Variants in CBR4 observed in about 807,000 individuals in gnomAD.
CBR4 encodes 3-oxoacyl-[acyl-carrier-protein] reductase.
In CBR4, 22 loss-of-function variants were observed where a neutral mutation model predicts 21.0. The observed-to-expected ratio is 1.05, with a 90% CI of 0.75 to 1.50. The LOEUF (loss-of-function observed/expected upper bound fraction) is 1.50, where lower values mean the gene tolerates loss of function less well. Among genes scored for constraint, CBR4 ranks in the 40% most tolerant of loss-of-function variants. The pLI is 0.00. For synonymous variants in CBR4, 100 were observed against 104.4 expected, an observed-to-expected ratio of 0.96 and a Z score of 0.26; for missense variants, 302 against 286.3, an observed-to-expected ratio of 1.05 and a Z score of -0.40.
rs774609370 is a variant in CBR4 at position 168,990,229 on chromosome 4, G to T, written c.635C>A (p.Ala212Glu). ...RFGETIEVAH[A>E]VVFLLESPYI... ...CGGTGATTCTAAAAGAAACACAACC[G>T]CATGTGCCACCTCAATAGTTTCTCC... Residue 212 changes from alanine to glutamate, a missense_variant, in exon 5 of 5, where the codon GCG becomes GAG. Physicochemically the swap from Ala to Glu is moderately radical, Grantham distance 107 (BLOSUM62 -1). Coordinates refer to ENST00000306193, the MANE Select transcript of CBR4 (RefSeq NM_032783.5). 6.2e-7 allele frequency: 1 copy of T among 1,613,218 alleles called. No homozygotes were observed. The highest frequency in any genetic ancestry group is 1.3e-5 in the African/African-American group (1 of 74,808).
downstream of CBR4, chr4:168,987,561 C>T (rs112326568): frequency 2.5e-4 from 187 of 751,820 alleles, 1 homozygote; most frequent in African/African-American, 3.3e-3. Context: ...CTTATAGTTG[C>T]AGAGAAAGAT....
At position 168,988,550 on chromosome 4, in the gene CBR4, G is replaced by A. The variant is rs1013718204; in HGVS notation, c.*1600C>T. On this transcript the variant is annotated 3_prime_UTR_variant, in exon 5 of 5. Coordinates refer to ENST00000306193, the MANE Select transcript of CBR4 (RefSeq NM_032783.5). ...ATTAGAGAAACTATCTACTATGTCTGAATAAGCTCCCCTACCTTACAAGCA... is the reference window on the plus strand; with the variant it reads ...ATTAGAGAAACTATCTACTATGTCTAAATAAGCTCCCCTACCTTACAAGCA... 1 of 985,360 alleles carries A rather than the reference G, an allele frequency of 1.0e-6. No homozygotes were observed. Among genetic ancestry groups the A allele is most frequent in the African/African-American group, 1.7e-5 (1 of 57,358 alleles). 61.0% of individuals were successfully genotyped at this position (985,360 alleles called of 1,614,324 possible).
At chr4:168,945,722 C>T (rs565302867) in intron 2 of CBR4, among the ~76,000 whole-genome samples, 39 of 152,264 alleles carry the variant, frequency 2.6e-4, no homozygotes, top group Admixed American at 2.4e-3. Flanking sequence ...AGAGAAACAA[C>T]CATTTAAATG....
chr4:168,903,855 C>T (rs746478367), intron 2 of CBR4: 1 of 1,613,832 alleles, frequency 6.2e-7, no homozygotes, highest in Admixed American at 1.7e-5. Flanking sequence ...ATACCACAGC[C>T]TCCACCCTAG....
intron 2 of CBR4, among the ~76,000 whole-genome samples, chr4:168,907,215 A>G (rs1160766627): frequency 6.6e-6 from 1 of 152,226 alleles, no homozygotes; most frequent in Non-Finnish European, 1.5e-5. Flanking sequence ...AATGCTAGTT[A>G]CTGTCATTAT....
intron 2 of CBR4, among the ~76,000 whole-genome samples, chr4:168,972,898 T>C (rs1056066244): frequency 7.9e-5 from 12 of 152,228 alleles, no homozygotes; most frequent in African/African-American, 2.9e-4. Flanking sequence ...TTCAGTATAA[T>C]GTTGGTTGTG....
chr4:168,940,822 A>T (rs1434388588), intron 2 of CBR4, among the ~76,000 whole-genome samples: 7 of 152,216 alleles, frequency 4.6e-5, no homozygotes, highest in Non-Finnish European at 8.8e-5. Flanking sequence ...ACACTTTTAC[A>T]CTGTTGGTGG....
chr4:168,938,526 C>G (rs1035870343), intron 2 of CBR4, among the ~76,000 whole-genome samples: 1 of 152,110 alleles, frequency 6.6e-6, no homozygotes, highest in African/African-American at 2.4e-5. Context: ...AATCCAGAAG[C>G]TGGTTTTTTG....
In CBR4 at chr4:168,916,102, T is replaced by C; in HGVS notation, n.170-21337A>G. The C allele has an allele frequency of 1.4e-6, 2 of 1,396,606 alleles. 1 individual carries two copies. The highest frequency in any genetic ancestry group is 2.3e-5 in the South Asian group (2 of 86,706). The allele number at this position is 1,396,606 out of a possible 1,614,324, so 86.5% of individuals were successfully genotyped here. On this transcript the variant is annotated intron_variant and non_coding_transcript_variant, in intron 2 of 3. Coordinates refer to the CBR4 transcript ENST00000509108. ...CTTGCCATTTCTCTATAGTTCCTTT[T>C]GGGGAAATTACATAAAGTATAAAAT...
chr4:168,998,771 T>C (rs1430878138), intron 4 of CBR4, among the ~76,000 whole-genome samples: 2 of 152,158 alleles, frequency 1.3e-5, no homozygotes, highest in Non-Finnish European at 2.9e-5. Context: ...AGGTATCTTG[T>C]TCTATGAATA....
intron 2 of CBR4, among the ~76,000 whole-genome samples, chr4:168,938,086 A>G (rs1035917783): frequency 1.3e-5 from 2 of 152,218 alleles, no homozygotes; most frequent in African/African-American, 4.8e-5. Flanking sequence ...AGGCAAATGC[A>G]AAAGAATGGA....
intron 2 of CBR4, among the ~76,000 whole-genome samples, chr4:168,979,980 C>G (rs1017720287): frequency 1.3e-5 from 2 of 152,244 alleles, no homozygotes; most frequent in African/African-American, 4.8e-5. Context: ...TTCCCCTGCT[C>G]TTCACCAGGC....
At chr4:168,952,544 G>T (rs1382854336) in intron 2 of CBR4, among the ~76,000 whole-genome samples, 2 of 152,180 alleles carry the variant, frequency 1.3e-5, no homozygotes, top group East Asian at 1.9e-4. Flanking sequence ...ATTTGGGTAG[G>T]CTCTGTCAGA....
intron 2 of CBR4, among the ~76,000 whole-genome samples, chr4:168,933,426 A>G (rs1473340298): frequency 6.6e-6 from 1 of 152,226 alleles, no homozygotes; most frequent in Non-Finnish European, 1.5e-5. Flanking sequence ...GAAGGACATT[A>G]TATAATAATA....
chr4:168,960,356 T>G (rs140202937), intron 2 of CBR4, among the ~76,000 whole-genome samples: 1 of 152,172 alleles, frequency 6.6e-6, no homozygotes, highest in Non-Finnish European at 1.5e-5. Flanking sequence ...CATGGAACCA[T>G]ATAACAAATA....
chr4:169,004,105 T>TA (rs1245699995), intron 3 of CBR4, among the ~76,000 whole-genome samples: 1 of 151,100 alleles, frequency 6.6e-6, no homozygotes, highest in Non-Finnish European at 1.5e-5. Context: ...AATAATAAAA[T>TA]AAAAAAATAA....
At position 168,926,945 on chromosome 4, in the gene CBR4, C is replaced by T. The variant is rs531795008; in HGVS notation, n.170-32180G>A. 8 of 219,528 alleles carry T rather than the reference C, an allele frequency of 3.6e-5. No homozygotes were observed. The South Asian group carries it at 1.5e-3, about 41-fold the overall frequency. 13.6% of individuals were successfully genotyped at this position (219,528 alleles called of 1,614,324 possible). Reference sequence around the variant, plus strand: ...AAATCATAAGGAAGGAACTACTTGCCTTAAATGTTAATATCAAAAGAGTTT... The same window carrying T: ...AAATCATAAGGAAGGAACTACTTGCTTTAAATGTTAATATCAAAAGAGTTT... On this transcript the variant is annotated intron_variant and non_coding_transcript_variant, in intron 2 of 3. Coordinates refer to the CBR4 transcript ENST00000509108.
At chr4:168,924,470 TGTATCAAAA>T in intron 2 of CBR4, 1 of 1,497,400 alleles carries the variant, frequency 6.7e-7, no homozygotes, top group Non-Finnish European at 9.3e-7. Flanking sequence ...GTCCTAATGA[TGTATCAAAA>T]GATACATTTT....
In CBR4 at chr4:168,924,565, C is replaced by T. The variant is rs1762210546; in HGVS notation, n.170-29800G>A. ...GATGAAATCAATCAAAGACAAAAAC[C>T]ATGCGTTACCCAATGTAGGATTAAG... On this transcript the variant is annotated intron_variant and non_coding_transcript_variant, in intron 2 of 3. Transcript: ENST00000509108. The T allele has an allele frequency of 1.4e-5, 12 of 846,210 alleles. No homozygotes were observed. In the South Asian group the frequency reaches 1.6e-4, roughly 11 times the overall value. 52.4% of individuals were successfully genotyped at this position (846,210 alleles called of 1,614,324 possible).
Sources: allele counts gnomAD v4.1 joint callset (sites outside exome capture counted in the v4.1 genomes callset), GRCh38; gene constraint gnomAD v4.1.1; transcripts MANE v1.5; gene names NCBI Gene and HGNC (gene_info 2026-07-23, HGNC 2026-07-21).